TMCO4: variants seen among roughly 807,000 people sequenced by gnomAD.
TMCO4 encodes the protein transmembrane and coiled-coil domain-containing protein 4.
A neutral mutation model predicts 64.7 loss-of-function variants in TMCO4; 58 were observed. That is an observed-to-expected ratio of 0.90 (90% CI 0.73 to 1.12). The LOEUF (loss-of-function observed/expected upper bound fraction) is 1.12, where lower values mean the gene tolerates loss of function less well. Ranked by LOEUF, TMCO4 falls within the 50% of genes most tolerant of loss-of-function variation. The pLI is 0.00. For synonymous variants in TMCO4, 325 were observed against 346.1 expected, an observed-to-expected ratio of 0.94 and a Z score of 0.68; for missense variants, 780 against 825.9, an observed-to-expected ratio of 0.94 and a Z score of 0.68.
chr1:19,755,618 C>G lies in TMCO4; in HGVS notation c.515+16G>C, dbSNP rs779818316. 6.2e-7 allele frequency: 1 copy of G among 1,613,370 alleles called. No homozygotes were observed. The highest frequency in any genetic ancestry group is 2.2e-5 in the East Asian group (1 of 44,854). On this transcript the variant is annotated intron_variant, in intron 7 of 15. Coordinates refer to ENST00000294543, the MANE Select transcript of TMCO4 (RefSeq NM_181719.7). Reference sequence around the variant, plus strand: ...GAAATCCTTGGATCCTGATGGGGGTCGCGGGGCTCTCTTACTCAGATTCCT... The same window carrying G: ...GAAATCCTTGGATCCTGATGGGGGTGGCGGGGCTCTCTTACTCAGATTCCT...
chr1:19,683,758 C>CTTTTTT lies in TMCO4; in HGVS notation c.1501-320_1501-315dup, dbSNP rs531431284. Among the ~76,000 whole-genome samples, 203 of 79,054 alleles carry CTTTTTT rather than the reference C, an allele frequency of 2.6e-3. 29 individuals are homozygous for CTTTTTT. Among genetic ancestry groups the CTTTTTT allele is most frequent in the African/African-American group, 9.2e-3 (179 of 19,542 alleles). The allele number at this position is 79,054 out of a possible 152,430, so 51.9% of individuals were successfully genotyped here. On this transcript the variant is annotated intron_variant, in intron 15 of 15. Coordinates refer to ENST00000294543, the MANE Select transcript of TMCO4 (RefSeq NM_181719.7). ...AGAAGCTCTCGTTCTTTGTCTGAAGCTTTTTTTTTTTTTTTTTTTTTTTTT... is the reference window on the plus strand; with the variant it reads ...AGAAGCTCTCGTTCTTTGTCTGAAGCTTTTTTTTTTTTTTTTTTTTTTTTTTTTTTT...
At chr1:19,716,015 A>G (rs2095354040) in intron 13 of TMCO4, among the ~76,000 whole-genome samples, 1 of 152,104 alleles carries the variant, frequency 6.6e-6, no homozygotes, top group Non-Finnish European at 1.5e-5. Context: ...TAAACCCTCA[A>G]CTATAGAATT....
At chr1:19,738,609 A>G (rs952156559) in intron 12 of TMCO4, among the ~76,000 whole-genome samples, 14 of 152,262 alleles carry the variant, frequency 9.2e-5, no homozygotes, top group Non-Finnish European at 2.1e-4. Context: ...ACAAAATTCT[A>G]TCTTGTCTAA....
At chr1:19,759,101 CAAAAAAAAAAAAAA>C (rs1163885215) in intron 6 of TMCO4, among the ~76,000 whole-genome samples, 2 of 21,178 alleles carry the variant, frequency 9.4e-5, no homozygotes, top group Admixed American at 5.7e-4. Flanking sequence ...GACTCGGTCT[CAAAAAAAAAAAAAA>C]AAAAAAAAAA....
chr1:19,723,735 G>A (rs2095396296), intron 13 of TMCO4, among the ~76,000 whole-genome samples: 1 of 152,036 alleles, frequency 6.6e-6, no homozygotes. Context: ...ATTTCTGGAG[G>A]CTCTTCCAGC....
At chr1:19,758,939 AC>A (rs1277305617) in intron 6 of TMCO4, among the ~76,000 whole-genome samples, 1 of 151,740 alleles carries the variant, frequency 6.6e-6, no homozygotes, top group Non-Finnish European at 1.5e-5. Context: ...CTTCTCTACT[AC>A]AAAATACAAA....
intron 13 of TMCO4, among the ~76,000 whole-genome samples, chr1:19,706,509 A>T (rs1446598108): frequency 6.6e-6 from 1 of 152,224 alleles, no homozygotes; most frequent in African/African-American, 2.4e-5. Flanking sequence ...CTTTTTATGT[A>T]AAAGAGGGCA....
intron 12 of TMCO4, among the ~76,000 whole-genome samples, chr1:19,738,726 G>GAAAC: frequency 6.6e-6 from 1 of 152,242 alleles, no homozygotes; most frequent in Admixed American, 6.5e-5. Flanking sequence ...TGCTCAAGCA[G>GAAAC]TTTAGCTGCA....
rs957093523 is a variant in TMCO4, at chr1:19,682,785, G to A, written c.*255C>T. ...CTCTAACCTGTGCTTGGTTGACTCT[G>A]CAGGTCTCTGATGAGGGGGCAGCTG... On this transcript the variant is annotated 3_prime_UTR_variant, in exon 16 of 16. Transcript: ENST00000294543. The A allele has an allele frequency of 7.0e-6, 5 of 718,056 alleles. No individual in the cohort carries two copies. The highest frequency in any genetic ancestry group is 1.3e-5 in the Non-Finnish European group (5 of 386,328). 44.5% of individuals were successfully genotyped at this position (718,056 alleles called of 1,614,324 possible).
At position 19,747,181 on chromosome 1, in the gene TMCO4, C is replaced by T. The variant is rs149198268; in HGVS notation, c.595G>A (p.Gly199Arg). 1.1e-5 allele frequency: 18 copies of T among 1,613,890 alleles called. No homozygotes were observed. Among genetic ancestry groups the T allele is most frequent in the African/African-American group, 1.1e-4 (8 of 74,920 alleles). ...RYLLIGLATV[G>R]GGTVIGVTGG... is the part of the protein sequence containing the mutation. ...GACTCACCGATCACCGTTCCGCCTC[C>T]GACAGTCGCCAGGCCTATCAGGAGA... The change falls in exon 8 of 16, where the codon GGA becomes AGA. Residue 199 changes from glycine to arginine, a missense_variant. By Grantham distance (125) the Gly-to-Arg change is moderately radical. Transcript: ENST00000294543.
chr1:19,684,063 C>CTTT (rs3048209), intron 15 of TMCO4, among the ~76,000 whole-genome samples: 1,723 of 70,266 alleles, frequency 0.025, 116 homozygotes, highest in African/African-American at 0.11. Context: ...TGCCCGGCAG[C>CTTT]TTTTTTTTTT....
intron 5 of TMCO4, among the ~76,000 whole-genome samples, 159 bp downstream of exon 5, chr1:19,771,149 T>C (rs2042961364): frequency 6.6e-6 from 1 of 152,196 alleles, no homozygotes; most frequent in African/African-American, 2.4e-5. Flanking sequence ...TATTCAATAA[T>C]GATAATTCAA....
At position 19,745,440 on chromosome 1, in the gene TMCO4, C is replaced by T. The variant is rs541959194; in HGVS notation, c.877+92G>A. 55 of 1,583,586 alleles carry T rather than the reference C, an allele frequency of 3.5e-5. No homozygotes were observed. In the Middle Eastern group the frequency reaches 6.1e-4, roughly 18 times the overall value. ...CTCTGCGAAATGGGGCTCCCTATAC[C>T]TGCTCCCTAGTGCAGGTAAAAACCT... On this transcript the variant is annotated intron_variant, in intron 10 of 15. Coordinates refer to ENST00000294543, the MANE Select transcript of TMCO4 (RefSeq NM_181719.7).
chr1:19,740,600 T>C (rs986342214), intron 11 of TMCO4, among the ~76,000 whole-genome samples, 177 bp downstream of exon 11: 2 of 152,178 alleles, frequency 1.3e-5, no homozygotes, highest in East Asian at 3.9e-4. Context: ...ACCTGTCTTC[T>C]CTCCATAGGG....
intron 14 of TMCO4, among the ~76,000 whole-genome samples, chr1:19,695,155 G>A (rs892990408): frequency 2.0e-5 from 3 of 152,190 alleles, no homozygotes; most frequent in African/African-American, 7.2e-5. Flanking sequence ...CAGTCACAGC[G>A]CTGGGAACAT....
At position 19,737,407 on chromosome 1, in the gene TMCO4, A is replaced by G. The variant is rs776759260; in HGVS notation, c.1229T>C (p.Ile410Thr). Residue 410 changes from isoleucine to threonine, a missense_variant, in exon 13 of 16, where the codon ATC (isoleucine) becomes ACC (threonine). Physicochemically the swap from Ile to Thr is moderately conservative, Grantham distance 89. Coordinates refer to ENST00000294543, the MANE Select transcript of TMCO4 (RefSeq NM_181719.7). ...LIGFSLGARV[I>T]YFCLQEMAQE... ...AGCCATCTCCTGCAGACAGAAGTAG[A>G]TGACTCTGGCTCCCAGGCTGAAGCC... is the stretch of plus-strand genomic sequence containing the variant. 1.9e-6 allele frequency: 3 copies of G among 1,613,934 alleles called. No homozygotes were observed. Among genetic ancestry groups the G allele is most frequent in the East Asian group, 2.2e-5 (1 of 44,880 alleles).
At chr1:19,738,082 T>C (rs1782469) in intron 12 of TMCO4, 44,288 of 152,026 alleles carry the variant, frequency 0.29, 6,920 homozygotes, top group African/African-American at 0.39. Context: ...TATCTGGGGG[T>C]GTTTGGGTAC....
intron 13 of TMCO4, among the ~76,000 whole-genome samples, chr1:19,733,128 A>G (rs2095437238): frequency 6.6e-6 from 1 of 152,038 alleles, no homozygotes; most frequent in South Asian, 2.1e-4. Flanking sequence ...TTTGCTGGGC[A>G]ATGTTGCGGG....
At chr1:19,780,032 T>TCAGGGAAGACAATTTTTC (rs2043388315) in intron 4 of TMCO4, among the ~76,000 whole-genome samples, 1 of 152,190 alleles carries the variant, frequency 6.6e-6, no homozygotes, top group Non-Finnish European at 1.5e-5. Context: ...GGGACTGGTT[T>TCAGGGAAGACAATTTTTC]CAGGGAAGAC....
Sources: allele counts gnomAD v4.1 joint callset (sites outside exome capture counted in the v4.1 genomes callset), GRCh38; gene constraint gnomAD v4.1.1; transcripts MANE v1.5; gene names NCBI Gene and HGNC (gene_info 2026-07-23, HGNC 2026-07-21).